Variants in PCDH15 observed in about 807,000 individuals in gnomAD.
PCDH15 encodes the protein protocadherin-15.
A neutral mutation model predicts 178.5 loss-of-function variants in PCDH15; 129 were observed. The observed-to-expected ratio is 0.72, with a 90% confidence interval of 0.63 to 0.84. The LOEUF (loss-of-function observed/expected upper bound fraction) is 0.84, where lower values mean the gene tolerates loss of function less well. Ranked by LOEUF, PCDH15 falls within the 40% of genes least tolerant of loss-of-function variation. PCDH15 has a pLI of 0.00. For synonymous variants in PCDH15, 800 were observed against 732.0 expected, an observed-to-expected ratio of 1.09 and a Z score of -1.50; for missense variants, 2,230 against 2,099.9, an observed-to-expected ratio of 1.06 and a Z score of -1.21.
intron 2 of PCDH15, among the ~76,000 whole-genome samples, chr10:55,094,312 G>A (rs557859424): frequency 4.0e-5 from 6 of 151,864 alleles, no homozygotes; most frequent in African/African-American, 1.4e-4. Flanking sequence ...AACACCGCAT[G>A]TTCTCACTCA....
At chr10:55,446,639 T>C (rs1839324072) in intron 2 of PCDH15, among the ~76,000 whole-genome samples, 1 of 152,082 alleles carries the variant, frequency 6.6e-6, no homozygotes, top group African/African-American at 2.4e-5. Flanking sequence ...TCATCATGGG[T>C]GGAATATGTT....
intron 7 of PCDH15, among the ~76,000 whole-genome samples, chr10:54,325,973 A>G (rs1277083623): frequency 3.3e-5 from 5 of 152,194 alleles, no homozygotes; most frequent in Non-Finnish European, 5.9e-5. Context: ...GGTACATTTT[A>G]GATATATGGA....
intron 10 of PCDH15, among the ~76,000 whole-genome samples, chr10:54,207,366 G>T (rs903413585): frequency 3.4e-3 from 114 of 33,080 alleles, no homozygotes; most frequent in African/African-American, 0.011. Flanking sequence ...GTTTTGTTTT[G>T]TGTGTGTGTG....
At chr10:54,527,733 T>A in intron 3 of PCDH15, 79 bp downstream of exon 3, 1 of 1,219,772 alleles carries the variant, frequency 8.2e-7, no homozygotes, top group South Asian at 1.4e-5. Flanking sequence ...TTAGTACCTC[T>A]ACTCATAGTA....
chr10:54,476,360 G>A (rs2078272021), intron 3 of PCDH15, among the ~76,000 whole-genome samples: 1 of 151,918 alleles, frequency 6.6e-6, no homozygotes, highest in African/African-American at 2.4e-5. Flanking sequence ...TCTGTATTTT[G>A]AAATCAACAG....
chr10:54,109,142 T>C (rs771401693), intron 15 of PCDH15, among the ~76,000 whole-genome samples: 2 of 152,080 alleles, frequency 1.3e-5, no homozygotes, highest in African/African-American at 2.4e-5. Flanking sequence ...CGTATAAATG[T>C]AAATCAGTAC....
intron 8 of PCDH15, among the ~76,000 whole-genome samples, chr10:54,249,853 T>A (rs893548560): frequency 5.9e-5 from 9 of 152,190 alleles, no homozygotes; most frequent in Non-Finnish European, 1.2e-4. Flanking sequence ...TTAATCTTTA[T>A]CATTTATAAC....
At chr10:55,534,031 A>T (rs1359326043) in intron 2 of PCDH15, among the ~76,000 whole-genome samples, 4 of 151,984 alleles carry the variant, frequency 2.6e-5, no homozygotes. Flanking sequence ...CTAGCCATAT[A>T]CAGAAGGATA....
intron 1 of PCDH15, among the ~76,000 whole-genome samples, chr10:55,290,773 C>T (rs1037444875): frequency 2.0e-5 from 3 of 151,366 alleles, no homozygotes; most frequent in Non-Finnish European, 4.4e-5. Flanking sequence ...TAGAATTAGC[C>T]ATGGAAATGA....
At chr10:53,979,284 G>T (rs2090432304) in intron 21 of PCDH15, among the ~76,000 whole-genome samples, 1 of 152,188 alleles carries the variant, frequency 6.6e-6, no homozygotes, top group Non-Finnish European at 1.5e-5. Flanking sequence ...GCAAAGAGAA[G>T]TGCAGAGTGA....
intron 17 of PCDH15, among the ~76,000 whole-genome samples, chr10:54,075,326 G>A (rs12244968): frequency 0.099 from 15,026 of 152,000 alleles, 1,677 homozygotes; most frequent in African/African-American, 0.28. Flanking sequence ...GCAGTGAGCC[G>A]AGATCGCGCC....
At chr10:54,133,688 A>G (rs1401373751) in intron 14 of PCDH15, among the ~76,000 whole-genome samples, 1 of 152,228 alleles carries the variant, frequency 6.6e-6, no homozygotes, top group African/African-American at 2.4e-5. Context: ...GCATTGACAT[A>G]GTCAACTTCT....
chr10:55,337,591 A>T (rs1240225412), intron 2 of PCDH15, among the ~76,000 whole-genome samples: 1 of 152,234 alleles, frequency 6.6e-6, no homozygotes, highest in Non-Finnish European at 1.5e-5. Context: ...TGTATCAGGC[A>T]TTCTGATTCG....
chr10:55,175,126 G>T (rs1839443392), intron 1 of PCDH15, among the ~76,000 whole-genome samples: 1 of 152,218 alleles, frequency 6.6e-6, no homozygotes, highest in Non-Finnish European at 1.5e-5. Context: ...GACCCTAAAT[G>T]GGACCCCAAA....
At chr10:54,740,524 G>A (rs886998624) in intron 1 of PCDH15, among the ~76,000 whole-genome samples, 7 of 151,662 alleles carry the variant, frequency 4.6e-5, no homozygotes, top group African/African-American at 1.5e-4. Context: ...CCATTCCTTG[G>A]TGTATGTCCA....
Position 55,407,508 on chromosome 10 carries a change from G to C in PCDH15, c.-156+220117C>G, listed in dbSNP as rs114030941. Among the ~76,000 whole-genome samples, 423 of 152,240 alleles carry C rather than the reference G, an allele frequency of 2.8e-3. 2 individuals are homozygous for C. Among genetic ancestry groups the C allele is most frequent in the African/African-American group, 9.6e-3 (400 of 41,550 alleles). On this transcript the variant is annotated intron_variant, in intron 2 of 5. Transcript: ENST00000613346. ...TCGTCTAACTTCTTTCATCTATCAA[G>C]CTTCCTGTCTATCATTCTTAAACCT...
intron 2 of PCDH15, among the ~76,000 whole-genome samples, chr10:55,077,261 T>C (rs2132021023): frequency 6.6e-6 from 1 of 152,288 alleles, no homozygotes; most frequent in South Asian, 2.1e-4. Flanking sequence ...AATAATTTAA[T>C]CTATTTACAT....
intron 2 of PCDH15, among the ~76,000 whole-genome samples, chr10:55,432,114 C>CACACA (rs71014487): frequency 2.0e-5 from 3 of 147,094 alleles, no homozygotes; most frequent in African/African-American, 5.2e-5. Context: ...CACACACACA[C>CACACA]CACAAGTCTC....
chr10:54,322,279 C>A (rs992401033), intron 7 of PCDH15, among the ~76,000 whole-genome samples: 4 of 151,804 alleles, frequency 2.6e-5, no homozygotes, highest in Admixed American at 2.6e-4. Flanking sequence ...ATGTGATAAT[C>A]TAATATATAT....
Sources: gnomAD v4.1 joint callset for allele counts (sites outside exome capture counted in the v4.1 genomes callset) on GRCh38, gnomAD v4.1.1 for gene constraint, MANE v1.5 for transcripts, NCBI Gene and HGNC (gene_info 2026-07-23, HGNC 2026-07-21) for gene names.